The following SLC35F1 variants were observed in gnomAD, a reference collection of about 807,000 sequenced individuals.
SLC35F1 encodes the protein chromosome 6 open reading frame 169.
A neutral mutation model predicts 48.7 loss-of-function variants in SLC35F1; 14 were observed. The ratio of observed to expected loss-of-function variants is 0.29; its 90% CI spans 0.19 to 0.45. The LOEUF (loss-of-function observed/expected upper bound fraction) is 0.45. Among genes scored for constraint, SLC35F1 ranks in the 20% least tolerant of loss-of-function variants. SLC35F1 has a pLI of 1.00. For missense variants in SLC35F1, 404 were observed against 500.0 expected (o/e 0.81, Z 1.83); for synonymous variants, 190 against 202.2 (o/e 0.94, Z 0.51).
intron 7 of SLC35F1, among the ~76,000 whole-genome samples, chr6:118,296,797 A>T (rs1427074805): frequency 1.3e-5 from 2 of 152,230 alleles, no homozygotes; most frequent in Admixed American, 6.5e-5. Flanking sequence ...CTCCCAGGAC[A>T]ATGCCTGGAA....
rs552416032 is a variant in SLC35F1 at position 117,954,466 on chromosome 6, T to C, written c.173+46567T>C. 3.3e-5 allele frequency among the ~76,000 whole-genome samples: 5 copies of C among 152,252 alleles called. No homozygotes were observed. The East Asian group carries it at 9.7e-4, about 29-fold the overall frequency. On this transcript the variant is annotated intron_variant, in intron 1 of 7. Transcript: ENST00000360388. ...CAGAGATGGGGTTTTACCATTTTGG[T>C]TAAGCCAGTCTTGAACTCCTGACAT... is the stretch of plus-strand genomic sequence containing the variant.
chr6:117,961,636 A>AT (rs1262783028), intron 1 of SLC35F1, among the ~76,000 whole-genome samples: 3 of 151,982 alleles, frequency 2.0e-5, no homozygotes, highest in East Asian at 1.9e-4. Flanking sequence ...CCTGACTGCC[A>AT]TTTTTTTTAT....
intron 2 of SLC35F1, among the ~76,000 whole-genome samples, chr6:118,199,667 C>T (rs1390982202): frequency 1.3e-5 from 2 of 152,062 alleles, no homozygotes; most frequent in Admixed American, 6.6e-5. Flanking sequence ...CATATGGTTG[C>T]AAAACTGGTA....
chr6:118,130,935 C>A (rs1454220217), intron 1 of SLC35F1, among the ~76,000 whole-genome samples: 1 of 152,148 alleles, frequency 6.6e-6, no homozygotes, highest in Non-Finnish European at 1.5e-5. Flanking sequence ...AGAAATTTTT[C>A]ATGCAATTAC....
At chr6:118,267,239 C>A in intron 4 of SLC35F1, 85 bp downstream of exon 4, 1 of 1,508,352 alleles carries the variant, frequency 6.6e-7, no homozygotes, top group Non-Finnish European at 9.1e-7. Flanking sequence ...TGGGTGAAAA[C>A]AAGGACCTTA....
intron 1 of SLC35F1, among the ~76,000 whole-genome samples, chr6:118,120,767 G>T (rs142626543): frequency 6.6e-6 from 1 of 152,128 alleles, no homozygotes; most frequent in Admixed American, 6.6e-5. Flanking sequence ...GAAATATTCC[G>T]CACTGAAACA....
rs150219962 is a variant in SLC35F1, at chr6:118,187,502, T to C, written c.349+32882T>C. ...TTTGGTCATGACAAGACTTCTTCAATGATAATGGAATGTACACTTTGCTCT... is the reference window on the plus strand; with the variant it reads ...TTTGGTCATGACAAGACTTCTTCAACGATAATGGAATGTACACTTTGCTCT... On this transcript the variant is annotated intron_variant, in intron 2 of 7. Coordinates refer to ENST00000360388, the MANE Select transcript of SLC35F1 (RefSeq NM_001029858.4). Among the ~76,000 whole-genome samples the C allele has an allele frequency of 3.9e-5, 6 of 152,334 alleles. No homozygotes were observed. The East Asian group carries it at 1.2e-3, about 29-fold the overall frequency.
At chr6:118,005,138 G>C (rs137920100) in intron 1 of SLC35F1, among the ~76,000 whole-genome samples, 1 of 152,140 alleles carries the variant, frequency 6.6e-6, no homozygotes, top group Non-Finnish European at 1.5e-5. Context: ...AGCAAGAAGA[G>C]GAGAAAAGGT....
chr6:118,023,556 A>G (rs1239388901), intron 1 of SLC35F1, among the ~76,000 whole-genome samples: 2 of 152,192 alleles, frequency 1.3e-5, no homozygotes, highest in Non-Finnish European at 2.9e-5. Flanking sequence ...TGCTAGGGAA[A>G]TGGTGGGCAT....
chr6:118,049,530 C>T (rs1280012813), intron 1 of SLC35F1, among the ~76,000 whole-genome samples: 1 of 151,662 alleles, frequency 6.6e-6, no homozygotes, highest in Non-Finnish European at 1.5e-5. Flanking sequence ...AAAAAACAAA[C>T]AACCCCATCA....
intron 1 of SLC35F1, among the ~76,000 whole-genome samples, chr6:118,019,478 C>T (rs924846762): frequency 1.6e-4 from 25 of 152,092 alleles, no homozygotes; most frequent in African/African-American, 4.8e-4. Context: ...AAAAATTAGC[C>T]GGGCGTGGTG....
intron 6 of SLC35F1, among the ~76,000 whole-genome samples, chr6:118,283,551 T>G (rs1776010616): frequency 6.6e-6 from 1 of 152,134 alleles, no homozygotes. Flanking sequence ...AACCCAGTCA[T>G]GGTATTTAAA....
chr6:118,244,648 C>T (rs1775484565), intron 3 of SLC35F1, among the ~76,000 whole-genome samples: 1 of 152,210 alleles, frequency 6.6e-6, no homozygotes, highest in Admixed American at 6.5e-5. Flanking sequence ...TTCATTTCTT[C>T]ATCTTCAGTT....
At chr6:118,210,925 G>T (rs560124578) in intron 2 of SLC35F1, among the ~76,000 whole-genome samples, 4 of 152,108 alleles carry the variant, frequency 2.6e-5, no homozygotes, top group Admixed American at 6.5e-5. Flanking sequence ...CTAACACCTC[G>T]TATCTCAGAA....
intron 2 of SLC35F1, among the ~76,000 whole-genome samples, chr6:118,172,031 G>A (rs1774412458): frequency 6.6e-6 from 1 of 152,080 alleles, no homozygotes; most frequent in African/African-American, 2.4e-5. Context: ...TACTACCCAA[G>A]CCTGGCTTTC....
chr6:118,247,981 AC>A (rs775387681), intron 3 of SLC35F1, among the ~76,000 whole-genome samples: 6 of 152,232 alleles, frequency 3.9e-5, no homozygotes, highest in Non-Finnish European at 8.8e-5. Context: ...AGTAAAACCT[AC>A]CCAAAAAGTA....
Position 117,907,491 on chromosome 6 carries a change from G to T in SLC35F1, c.-236G>T. The stretch of plus-strand genomic sequence containing the variant: ...CTCGGGAAGAGCCGGGGCGGGCGGC[G>T]GCGGCGGCGGCACGGGCGCGAGGGT... On this transcript the variant is annotated 5_prime_UTR_variant, in exon 1 of 8. Coordinates refer to ENST00000360388, the MANE Select transcript of SLC35F1 (RefSeq NM_001029858.4). The T allele has an allele frequency of 3.6e-6, 1 of 277,532 alleles. No individual in the cohort carries two copies. Among genetic ancestry groups the T allele is most frequent in the Non-Finnish European group, 6.6e-6 (1 of 151,298 alleles). The allele number at this position is 277,532 out of a possible 1,614,324, so 17.2% of individuals were successfully genotyped here. A position where few individuals can be genotyped will look rare whatever the true frequency, so the allele number is the denominator to read the frequency against.
chr6:118,076,874 G>A (rs114394051), intron 1 of SLC35F1, among the ~76,000 whole-genome samples: 1,836 of 151,686 alleles, frequency 0.012, 42 homozygotes, highest in African/African-American at 0.042. Flanking sequence ...AGGCTTAGAC[G>A]CTTTACCATA....
intron 1 of SLC35F1, among the ~76,000 whole-genome samples, chr6:118,135,514 C>T (rs143760443): frequency 4.5e-4 from 69 of 152,338 alleles, no homozygotes; most frequent in Admixed American, 1.4e-3. Flanking sequence ...TACCAGCCAT[C>T]TGTGCTGACT....
Sources: allele counts gnomAD v4.1 joint callset (sites outside exome capture counted in the v4.1 genomes callset), GRCh38; gene constraint gnomAD v4.1.1; transcripts MANE v1.5; gene names NCBI Gene and HGNC (gene_info 2026-07-23, HGNC 2026-07-21).